FMR1: variants seen among roughly 807,000 people sequenced by gnomAD.
FMR1 encodes the protein FMRP translational regulator 1.
Under a neutral mutation model 50.6 loss-of-function variants are expected in FMR1, and 13 were observed. That is an observed-to-expected ratio of 0.26 (90% CI 0.17 to 0.41). FMR1 has a LOEUF of 0.41. Among genes scored for constraint, FMR1 ranks in the 10% least tolerant of loss-of-function variants. FMR1 has a pLI of 1.00. For synonymous variants in FMR1, 138 were observed against 164.1 expected (o/e 0.84, Z 1.22); for missense variants, 316 against 491.3 (o/e 0.64, Z 3.37).
intron 1 of FMR1, among the ~76,000 whole-genome samples, chrX:147,921,511 A>G (rs2043168779): frequency 9.0e-6 from 1 of 111,256 alleles, no homozygotes; most frequent in Non-Finnish European, 1.9e-5. Context: ...ATATTTAATC[A>G]TTGACTATTG....
Position 147,945,532 on chromosome X carries a change from A to G in FMR1, c.1655-2A>G, listed in dbSNP as rs782325167. On this transcript the variant is annotated splice_acceptor_variant, in intron 15 of 16. Coordinates refer to ENST00000370475, the MANE Select transcript of FMR1 (RefSeq NM_002024.6). LOFTEE classifies it high-confidence loss of function. Reference sequence around the variant, plus strand: ...TTGAACCTTTTGAAAATATTCTCATAGGAAACGACGATCACTCCCGAACAG... The same window carrying G: ...TTGAACCTTTTGAAAATATTCTCATGGGAAACGACGATCACTCCCGAACAG... The G allele has an allele frequency of 1.3e-5, 16 of 1,201,434 alleles. No individual in the cohort carries two copies. The African/African-American group carries it at 2.6e-4, about 20-fold the overall frequency.
rs2043375862 is a variant in FMR1 at position 147,926,089 on chromosome X, A to G, written c.198+456A>G. ...ATATTTTTAAAAACCTACAAGCTTT[A>G]GTTTATACATATTGGTAAAATCTCT... On this transcript the variant is annotated intron_variant, in intron 3 of 16. Coordinates refer to ENST00000370475, the MANE Select transcript of FMR1 (RefSeq NM_002024.6). Among the ~76,000 whole-genome samples the G allele has an allele frequency of 4.4e-5, 5 of 112,394 alleles. No homozygotes were observed. The South Asian group carries it at 1.8e-3, about 41-fold the overall frequency.
In FMR1 at chrX:147,944,672, A is replaced by G. The variant is rs782388446; in HGVS notation, c.1472-197A>G. On this transcript the variant is annotated intron_variant, in intron 14 of 16. Transcript: ENST00000370475. ...TGAAACATGTTTATAACCAAAATTA[A>G]CCTCAAATATTGCAAAGCCCTTCAT... 5.2e-5 allele frequency: 54 copies of G among 1,046,876 alleles called. No individual in the cohort carries two copies. In the South Asian group the frequency reaches 1.4e-3, roughly 27 times the overall value. 86.3% of individuals were successfully genotyped at this position (1,046,876 alleles called of 1,213,427 possible). A position where few individuals can be genotyped will look rare whatever the true frequency, so the allele number is the denominator to read the frequency against.
chrX:147,916,159 A>C (rs1021101469), intron 1 of FMR1, among the ~76,000 whole-genome samples: 10 of 112,457 alleles, frequency 8.9e-5, no homozygotes, highest in African/African-American at 3.2e-4. Flanking sequence ...TGACCCTGCT[A>C]GGAAATTTGT....
At chrX:147,943,060 T>C in intron 13 of FMR1, 71 bp from the exon 14 acceptor site, 1 of 891,973 alleles carries the variant, frequency 1.1e-6, no homozygotes, top group Non-Finnish European at 1.6e-6. Context: ...TTTTATCTGA[T>C]GAAAAGGAGA....
chrX:147,933,790 T>A (rs941118267), intron 9 of FMR1: 6 of 257,799 alleles, frequency 2.3e-5, no homozygotes, highest in South Asian at 1.9e-4. Flanking sequence ...TTCTCATACA[T>A]TCTGTTTACG....
intron 9 of FMR1, chrX:147,933,646 A>G (rs1289278221): frequency 3.6e-6 from 3 of 831,956 alleles, no homozygotes; most frequent in Non-Finnish European, 4.4e-6. Flanking sequence ...CAAGAAAGCT[A>G]CATATGTTTT....
Position 147,945,061 on chromosome X carries a change from T to A in FMR1, c.1654+10T>A, listed in dbSNP as rs782472011. 3 of 1,168,252 alleles carry A rather than the reference T, an allele frequency of 2.6e-6. No individual in the cohort carries two copies. Among genetic ancestry groups the A allele is most frequent in the Non-Finnish European group, 3.4e-6 (3 of 873,629 alleles). ...GGAGGAGGCTTCAAAGGTATGGAGA[T>A]CTTCATTAAGAAATCAAAGTGAATT... is the stretch of plus-strand genomic sequence containing the variant. On this transcript the variant is annotated intron_variant, in intron 15 of 16. Transcript: ENST00000370475.
chrX:147,926,058 C>T (rs1557177486), intron 3 of FMR1, among the ~76,000 whole-genome samples: 1 of 112,202 alleles, frequency 8.9e-6, no homozygotes, highest in African/African-American at 3.2e-5. Context: ...AGTGAATCTT[C>T]TTGGTATATT....
At chrX:147,940,394 CAGT>C (rs1201596607) in intron 12 of FMR1, 179 bp from the exon 13 acceptor site, 1 of 445,117 alleles carries the variant, frequency 2.2e-6, no homozygotes, top group African/African-American at 2.5e-5. Context: ...TTCGTATTCA[CAGT>C]AGATGTGTAA....
Position 147,950,714 on chromosome X carries a change from C to G in FMR1, c.*1870C>G. 1 of 326,556 alleles carries G rather than the reference C, an allele frequency of 3.1e-6. No homozygotes were observed. Among genetic ancestry groups the G allele is most frequent in the Non-Finnish European group, 5.9e-6 (1 of 168,797 alleles). 26.9% of individuals were successfully genotyped at this position (326,556 alleles called of 1,213,427 possible). ...GGAAAAGAAATCTATAGAAAGTGTT[C>G]TGTTACAAAATGTAACTGTTACCAT... On this transcript the variant is annotated 3_prime_UTR_variant, in exon 17 of 17. Coordinates refer to ENST00000370475, the MANE Select transcript of FMR1 (RefSeq NM_002024.6).
At chrX:147,922,326 A>G (rs1557176677) in intron 2 of FMR1, among the ~76,000 whole-genome samples, 1 of 112,035 alleles carries the variant, frequency 8.9e-6, no homozygotes, top group African/African-American at 3.2e-5. Context: ...ATTCATGGGT[A>G]TTGCTAAAAA....
At chrX:147,923,959 C>G (rs954868932) in intron 2 of FMR1, among the ~76,000 whole-genome samples, 2 of 111,828 alleles carry the variant, frequency 1.8e-5, no homozygotes, top group African/African-American at 6.5e-5. Context: ...GGAAGAAGCT[C>G]CTGTTACTGA....
chrX:147,918,555 C>CTTTGTTTTTTTTTTTTTTT (rs2042992147), intron 1 of FMR1, among the ~76,000 whole-genome samples: 1 of 47,277 alleles, frequency 2.1e-5, no homozygotes, highest in Admixed American at 3.9e-4. Context: ...CCTGCAAAAG[C>CTTTGTTTTTTTTTTTTTTT]TTTTTTTTTT....
intron 7 of FMR1, among the ~76,000 whole-genome samples, chrX:147,930,677 G>A (rs953161501): frequency 2.7e-5 from 3 of 111,532 alleles, no homozygotes; most frequent in African/African-American, 9.8e-5. Context: ...TCAGATTCCC[G>A]CCAGAGGCTA....
At chrX:147,931,518 CT>C (rs1357860019) in intron 7 of FMR1, among the ~76,000 whole-genome samples, 2 of 111,956 alleles carry the variant, frequency 1.8e-5, no homozygotes, top group African/African-American at 6.5e-5. Flanking sequence ...GCATGCCTAT[CT>C]TTCTTCACTA....
chrX:147,939,272 A>AATAT (rs1235689965), intron 12 of FMR1, among the ~76,000 whole-genome samples: 44 of 108,407 alleles, frequency 4.1e-4, no homozygotes, highest in African/African-American at 1.4e-3. Context: ...TTTCCCTCTT[A>AATAT]ATATATATAT....
intron 1 of FMR1, among the ~76,000 whole-genome samples, chrX:147,915,479 A>AT (rs1207985845): frequency 1.8e-5 from 2 of 110,853 alleles, no homozygotes; most frequent in African/African-American, 3.3e-5. Flanking sequence ...GGTCAACCAC[A>AT]TTTTTTTTCC....
chrX:147,921,916 C>T lies in FMR1; in HGVS notation c.52-17C>T, dbSNP rs782455518. 8.1e-6 allele frequency: 9 copies of T among 1,111,726 alleles called. No individual in the cohort carries two copies. The highest frequency in any genetic ancestry group is 3.7e-5 in the South Asian group (2 of 53,805). The allele number at this position is 1,111,726 out of a possible 1,213,427, so 91.6% of individuals were successfully genotyped here. A position where few individuals can be genotyped will look rare whatever the true frequency, so the allele number is the denominator to read the frequency against. On this transcript the variant is annotated splice_polypyrimidine_tract_variant and intron_variant, in intron 1 of 16. Coordinates refer to ENST00000370475, the MANE Select transcript of FMR1 (RefSeq NM_002024.6). ...TCTTTAAGCTCACAAGTTAATTTAA[C>T]GTTTTTTCTTACACAGGCATTTGTA...
Sources: allele counts gnomAD v4.1 joint callset (sites outside exome capture counted in the v4.1 genomes callset), GRCh38; gene constraint gnomAD v4.1.1; transcripts MANE v1.5; gene names NCBI Gene and HGNC (gene_info 2026-07-23, HGNC 2026-07-21).